Variants in BICC1 observed in about 807,000 individuals in gnomAD.
BICC1 encodes the protein BicC family RNA binding protein 1.
Under a neutral mutation model 111.0 loss-of-function variants are expected in BICC1, and 43 were observed. That is an observed-to-expected ratio of 0.39 (90% CI 0.30 to 0.50). The LOEUF (loss-of-function observed/expected upper bound fraction) is 0.50. BICC1 is among the 20% of genes least tolerant of loss of function. The probability of loss-of-function intolerance (pLI) is 0.88; values close to 1 mark genes in which losing one functional copy is unlikely to be tolerated. For missense variants in BICC1, 1,091 were observed against 1,203.2 expected (o/e 0.91, Z 1.38); for synonymous variants, 467 against 434.4 (o/e 1.07, Z -0.93).
chr10:58,755,542 A>AT (rs1332128545), intron 3 of BICC1, among the ~76,000 whole-genome samples: 1 of 151,994 alleles, frequency 6.6e-6, no homozygotes, highest in Non-Finnish European at 1.5e-5. Context: ...TGCTTTAGGG[A>AT]TTTTCTGTCT....
intron 1 of BICC1, among the ~76,000 whole-genome samples, chr10:58,589,897 G>A (rs1844551791): frequency 6.6e-6 from 1 of 151,888 alleles, no homozygotes; most frequent in African/African-American, 2.4e-5. Flanking sequence ...CCTTGAACTC[G>A]TGGCCTCAAG....
Position 58,789,394 on chromosome 10 carries a change from T to A in BICC1, c.733T>A (p.Ser245Thr), listed in dbSNP as rs1290360771. 1 of 1,613,978 alleles carries A rather than the reference T, an allele frequency of 6.2e-7. No individual in the cohort carries two copies. The highest frequency in any genetic ancestry group is 2.2e-5 in the East Asian group (1 of 44,870). ...TATTTCAGTATCATTTAAACAGCGT[T>A]CCCGAATGTATGGTGCTACTGTCAT... is the stretch of plus-strand genomic sequence containing the variant. Reference protein sequence around the residue: ...YNISVSFKQRSRMYGATVIVR... With the variant: ...YNISVSFKQRTRMYGATVIVR... The change falls in exon 7 of 21, where the codon TCC becomes ACC. Residue 245 changes from serine to threonine, a missense_variant. This residue lies in a region of BICC1 where 843 missense variants were observed against 900.8 expected (regional missense o/e 0.94). Coordinates refer to ENST00000373886, the MANE Select transcript of BICC1 (RefSeq NM_001080512.3).
At chr10:58,701,034 G>A (rs973788344) in intron 2 of BICC1, among the ~76,000 whole-genome samples, 6 of 152,188 alleles carry the variant, frequency 3.9e-5, no homozygotes, top group Non-Finnish European at 7.3e-5. Context: ...CATGAAGTTT[G>A]ATGTATGTGA....
At position 58,772,279 on chromosome 10, in the gene BICC1, A is replaced by AT. The variant is rs927140012; in HGVS notation, c.308-12713dup. Among the ~76,000 whole-genome samples, 276 of 151,832 alleles carry AT rather than the reference A, an allele frequency of 1.8e-3. 2 individuals are homozygous for AT. The highest frequency in any genetic ancestry group is 5.8e-3 in the African/African-American group (241 of 41,400). On this transcript the variant is annotated intron_variant, in intron 3 of 20. Coordinates refer to ENST00000373886, the MANE Select transcript of BICC1 (RefSeq NM_001080512.3). ...TTTAAACTCCAATAAAATACACAAG[A>AT]TTTTTTTTTAAAAAAAGAGCAAGAG...
intron 1 of BICC1, among the ~76,000 whole-genome samples, chr10:58,541,695 GA>G (rs991159351): frequency 7.3e-5 from 11 of 150,420 alleles, no homozygotes; most frequent in Admixed American, 5.3e-4. Flanking sequence ...TGCAGAAATA[GA>G]AAAAAAAATT....
intron 1 of BICC1, among the ~76,000 whole-genome samples, chr10:58,542,579 C>T (rs950114071): frequency 6.6e-6 from 1 of 152,014 alleles, no homozygotes; most frequent in Admixed American, 6.6e-5. Flanking sequence ...AAAAGGCAGT[C>T]TACGTAATGG....
intron 15 of BICC1, among the ~76,000 whole-genome samples, chr10:58,804,305 C>G (rs1843645727): frequency 6.6e-6 from 1 of 152,068 alleles, no homozygotes; most frequent in Non-Finnish European, 1.5e-5. Flanking sequence ...TGCTTGAGTC[C>G]TGGAGTTTGA....
In BICC1 at chr10:58,530,696, A is replaced by G. The variant is rs561544313; in HGVS notation, c.190+17363A>G. 1.5e-3 allele frequency among the ~76,000 whole-genome samples: 211 copies of G among 142,492 alleles called. 1 individual carries two copies. The highest frequency in any genetic ancestry group is 4.6e-3 in the Admixed American group (60 of 13,064). The allele number at this position is 142,492 out of a possible 152,430, so 93.5% of individuals were successfully genotyped here. On this transcript the variant is annotated intron_variant, in intron 1 of 20. Transcript: ENST00000373886. ...TATACTTTAAATGCAAAAAAAAAAA[A>G]AAAAAGAAAATCAGAAAGGGAGAGG...
intron 1 of BICC1, among the ~76,000 whole-genome samples, chr10:58,547,527 T>C (rs958649204): frequency 1.5e-4 from 23 of 152,074 alleles, no homozygotes; most frequent in Admixed American, 7.2e-4. Context: ...GTTCCTCCAT[T>C]GTAATGGTAT....
intron 3 of BICC1, among the ~76,000 whole-genome samples, chr10:58,769,339 G>T (rs1842548982): frequency 6.7e-6 from 1 of 148,400 alleles, no homozygotes; most frequent in Admixed American, 6.7e-5. Context: ...TATGTGAAGT[G>T]ATAGATATGT....
chr10:58,654,072 A>G (rs1004436191), intron 2 of BICC1, among the ~76,000 whole-genome samples: 5 of 143,730 alleles, frequency 3.5e-5, no homozygotes, highest in African/African-American at 7.7e-5. Flanking sequence ...TTCTTAATCC[A>G]GTCTATCATT....
intron 3 of BICC1, among the ~76,000 whole-genome samples, chr10:58,738,405 C>T (rs925940648): frequency 2.0e-5 from 3 of 151,846 alleles, no homozygotes; most frequent in Admixed American, 1.3e-4. Context: ...TGTAGATATG[C>T]GGCATTGTTT....
At chr10:58,562,867 G>C (rs187017578) in intron 1 of BICC1, among the ~76,000 whole-genome samples, 2 of 152,112 alleles carry the variant, frequency 1.3e-5, no homozygotes, top group Non-Finnish European at 2.9e-5. Context: ...TTCAGTGTCA[G>C]CTGTGTCTGC....
chr10:58,693,129 C>T (rs1488621454), intron 2 of BICC1, among the ~76,000 whole-genome samples: 1 of 151,880 alleles, frequency 6.6e-6, no homozygotes, highest in South Asian at 2.1e-4. Context: ...TTTGTCCTTG[C>T]GATAGTTTGC....
chr10:58,601,283 G>A (rs1564507016), intron 1 of BICC1, among the ~76,000 whole-genome samples: 1 of 150,542 alleles, frequency 6.6e-6, no homozygotes, highest in African/African-American at 2.4e-5. Flanking sequence ...TTTATTTAAA[G>A]AATAATAGTT....
At chr10:58,705,198 A>G (rs1840354571) in intron 3 of BICC1, among the ~76,000 whole-genome samples, 1 of 152,172 alleles carries the variant, frequency 6.6e-6, no homozygotes, top group Non-Finnish European at 1.5e-5. Context: ...AAGTTTCACT[A>G]CTTGTTCTTA....
At chr10:58,778,993 A>G (rs1453520722) in intron 3 of BICC1, among the ~76,000 whole-genome samples, 3 of 152,194 alleles carry the variant, frequency 2.0e-5, no homozygotes, top group Non-Finnish European at 4.4e-5. Context: ...GTCAGGCTTA[A>G]TAAGTCAGTT....
chr10:58,642,232 G>T (rs1181741898), intron 2 of BICC1, among the ~76,000 whole-genome samples: 4 of 152,122 alleles, frequency 2.6e-5, no homozygotes, highest in Non-Finnish European at 5.9e-5. Context: ...CTGCACTTTC[G>T]GGGTGAATGA....
At position 58,793,706 on chromosome 10, in the gene BICC1, T is replaced by C. The variant is rs1843252650; in HGVS notation, c.1179+91T>C. On this transcript the variant is annotated intron_variant, in intron 9 of 20. Coordinates refer to ENST00000373886, the MANE Select transcript of BICC1 (RefSeq NM_001080512.3). ...ATAGAAGTATTTATTTGCATATACA[T>C]GAAACTGTTACTCTATACAGGTTGA... The C allele has an allele frequency of 7.1e-6, 10 of 1,402,376 alleles. No homozygotes were observed. In the South Asian group the frequency reaches 1.0e-4, roughly 14 times the overall value. 86.9% of individuals were successfully genotyped at this position (1,402,376 alleles called of 1,614,324 possible).
Sources: gnomAD v4.1 joint callset for allele counts (sites outside exome capture counted in the v4.1 genomes callset) on GRCh38, gnomAD v4.1.1 for gene constraint, gnomAD v4.1.1 regional missense constraint, MANE v1.5 for transcripts, NCBI Gene and HGNC (gene_info 2026-07-23, HGNC 2026-07-21) for gene names.